Variants in DNAAF11 observed in about 807,000 individuals in gnomAD.
The protein encoded by DNAAF11 is leucine rich repeat containing 6.
A neutral mutation model predicts 60.8 loss-of-function variants in DNAAF11; 45 were observed. The observed-to-expected ratio is 0.74, with a 90% CI of 0.58 to 0.95. The LOEUF (loss-of-function observed/expected upper bound fraction) is 0.95. Ranked by LOEUF, DNAAF11 falls within the 40% of genes least tolerant of loss-of-function variation. DNAAF11 has a pLI of 0.00. For synonymous variants in DNAAF11, 191 were observed against 183.5 expected, an observed-to-expected ratio of 1.04 and a Z score of -0.33; for missense variants, 546 against 546.2, an observed-to-expected ratio of 1.00 and a Z score of 0.00.
chr8:132,660,413 A>AC (rs770004131), intron 2 of DNAAF11, among the ~76,000 whole-genome samples: 8 of 152,214 alleles, frequency 5.3e-5, no homozygotes, highest in Non-Finnish European at 8.8e-5. Flanking sequence ...CAAGACTAAG[A>AC]CTTGGGCAAG....
intron 10 of DNAAF11, among the ~76,000 whole-genome samples, chr8:132,589,987 G>A (rs1181761698): frequency 6.6e-6 from 1 of 152,210 alleles, no homozygotes; most frequent in African/African-American, 2.4e-5. Context: ...CTTCAGTGCA[G>A]ACCTTTGCAG....
chr8:132,654,717 A>G (rs1823371914), intron 3 of DNAAF11, among the ~76,000 whole-genome samples: 1 of 151,806 alleles, frequency 6.6e-6, no homozygotes, highest in African/African-American at 2.4e-5. Context: ...AAAATCAGAA[A>G]ATACTTTGAG....
the DNAAF11 span, among the ~76,000 whole-genome samples, chr8:132,685,963 C>A: frequency 6.6e-6 from 1 of 151,966 alleles, no homozygotes; most frequent in African/African-American, 2.4e-5. Context: ...AAGTGGTAGC[C>A]AAGATTGAAA....
intron 7 of DNAAF11, among the ~76,000 whole-genome samples, chr8:132,622,146 T>G (rs1365160222): frequency 6.6e-6 from 1 of 152,216 alleles, no homozygotes; most frequent in Non-Finnish European, 1.5e-5. Flanking sequence ...GTATCCATCC[T>G]CTCATTAAAT....
At chr8:132,690,547 A>C in the DNAAF11 span, among the ~76,000 whole-genome samples, 1 of 152,140 alleles carries the variant, frequency 6.6e-6, no homozygotes, top group Non-Finnish European at 1.5e-5. Flanking sequence ...CAATTAGCAT[A>C]CTATATTTGT....
intron 1 of DNAAF11, among the ~76,000 whole-genome samples, chr8:132,664,526 A>G (rs1363664567): frequency 6.6e-6 from 1 of 152,234 alleles, no homozygotes; most frequent in Admixed American, 6.5e-5. Flanking sequence ...GCTGGAGTGC[A>G]GTGGCACGAT....
At chr8:132,611,395 T>G (rs1307467792) in intron 8 of DNAAF11, 32 bp from the exon 9 acceptor site, 8 of 1,300,856 alleles carry the variant, frequency 6.1e-6, no homozygotes, top group Non-Finnish European at 6.6e-6. Context: ...ATCTTATAAT[T>G]TTAAAAAATA....
intron 1 of DNAAF11, among the ~76,000 whole-genome samples, chr8:132,668,489 C>T (rs1824859677): frequency 6.6e-6 from 1 of 151,992 alleles, no homozygotes; most frequent in Admixed American, 6.5e-5. Flanking sequence ...CTCGCTCTGT[C>T]GCCCAGTGGC....
intron 1 of DNAAF11, among the ~76,000 whole-genome samples, chr8:132,664,723 C>T (rs1440772145): frequency 6.6e-6 from 1 of 151,864 alleles, no homozygotes; most frequent in Admixed American, 6.6e-5. Context: ...CCTTGGCTTC[C>T]CAAAGTACTG....
At chr8:132,593,436 A>T (rs964057906) in intron 10 of DNAAF11, among the ~76,000 whole-genome samples, 4 of 149,224 alleles carry the variant, frequency 2.7e-5, no homozygotes, top group Non-Finnish European at 5.9e-5. Context: ...TAGAACACCC[A>T]TAGAGAGAAA....
chr8:132,581,404 C>T (rs1815308832), intron 11 of DNAAF11, among the ~76,000 whole-genome samples: 1 of 152,110 alleles, frequency 6.6e-6, no homozygotes, highest in Non-Finnish European at 1.5e-5. Flanking sequence ...AATCCCAGCA[C>T]TTTGGGAGGC....
intron 10 of DNAAF11, among the ~76,000 whole-genome samples, chr8:132,585,391 C>T (rs998847147): frequency 3.9e-5 from 6 of 152,212 alleles, no homozygotes; most frequent in Non-Finnish European, 7.3e-5. Flanking sequence ...ACATCTTCCT[C>T]TTTCCATGGG....
At chr8:132,587,509 G>A (rs986689257) in intron 10 of DNAAF11, among the ~76,000 whole-genome samples, 3 of 152,104 alleles carry the variant, frequency 2.0e-5, no homozygotes, top group African/African-American at 7.2e-5. Flanking sequence ...AGTGTTCCAA[G>A]GTTTTGGAAT....
Position 132,675,503 on chromosome 8 carries a change from C to T in DNAAF11, c.-10G>A. The stretch of plus-strand genomic sequence containing the variant: ...GCTTACTCCAGCCCATGGCGCCTCT[C>T]CAGTTCGCTGACCCCGCAAGCCGGA... On this transcript the variant is annotated 5_prime_UTR_variant, in exon 1 of 12. Coordinates refer to ENST00000620350, the MANE Select transcript of DNAAF11 (RefSeq NM_012472.6). The T allele has an allele frequency of 6.4e-7, 1 of 1,562,712 alleles. No homozygotes were observed.
chr8:132,584,907 G>A (rs1030004071), intron 10 of DNAAF11, among the ~76,000 whole-genome samples: 5 of 152,168 alleles, frequency 3.3e-5, no homozygotes, highest in Non-Finnish European at 5.9e-5. Flanking sequence ...TCGACTTACA[G>A]TATATATTTG....
chr8:132,595,001 T>C (rs1205285295), intron 10 of DNAAF11, among the ~76,000 whole-genome samples: 2 of 152,134 alleles, frequency 1.3e-5, no homozygotes, highest in African/African-American at 2.4e-5. Context: ...CACACTGTCC[T>C]GCTGCCACGG....
At chr8:132,599,151 C>T (rs1005061030) in intron 10 of DNAAF11, among the ~76,000 whole-genome samples, 70 of 152,156 alleles carry the variant, frequency 4.6e-4, no homozygotes, top group African/African-American at 1.4e-3. Context: ...AACACCTCTA[C>T]GCAAATAAAC....
intron 3 of DNAAF11, among the ~76,000 whole-genome samples, chr8:132,645,379 G>A (rs987471200): frequency 6.6e-6 from 1 of 152,158 alleles, no homozygotes; most frequent in Non-Finnish European, 1.5e-5. Context: ...ACAAAGATGG[G>A]GAGAAACCAG....
Position 132,632,879 on chromosome 8 carries a change from GCT to G in DNAAF11, c.512_513del (p.Glu171AlafsTer8), listed in dbSNP as rs762626179. On this transcript the variant is annotated frameshift_variant, in exon 5 of 12. Coordinates refer to ENST00000620350, the MANE Select transcript of DNAAF11 (RefSeq NM_012472.6). LOFTEE classifies it high-confidence loss of function. ...DYSVIEPQIR[E>X]QEKDHCLKRA... Reference sequence around the variant, plus strand: ...CGTTTAAGACAGTGATCTTTTTCCTGCTCTCTGATTTGTGGTTCAATTACTGA... The same window carrying G: ...CGTTTAAGACAGTGATCTTTTTCCTGCTCTGATTTGTGGTTCAATTACTGA... The G allele has an allele frequency of 6.2e-7, 1 of 1,613,590 alleles. No individual in the cohort carries two copies. Among genetic ancestry groups the G allele is most frequent in the Non-Finnish European group, 8.5e-7 (1 of 1,179,732 alleles).
Sources: allele counts gnomAD v4.1 joint callset (sites outside exome capture counted in the v4.1 genomes callset), GRCh38; gene constraint gnomAD v4.1.1; transcripts MANE v1.5; gene names NCBI Gene and HGNC (gene_info 2026-07-23, HGNC 2026-07-21).